Variants in TTC16 observed in about 807,000 individuals in gnomAD.
TTC16 encodes the protein tetratricopeptide repeat domain 16.
Under a neutral mutation model 80.4 loss-of-function variants are expected in TTC16, and 66 were observed. The ratio of observed to expected loss-of-function variants is 0.82; its 90% CI spans 0.67 to 1.01. The LOEUF (loss-of-function observed/expected upper bound fraction) is 1.01. Among genes scored for constraint, TTC16 ranks in the 50% least tolerant of loss-of-function variants. TTC16 has a pLI of 0.00. For synonymous variants in TTC16, 438 were observed against 451.3 expected (o/e 0.97, Z 0.37); for missense variants, 1,070 against 1,103.2 (o/e 0.97, Z 0.43).
At chr9:127,724,026 AGAGCCGGCAGTGG>A in intron 7 of TTC16, 81 bp from the exon 8 acceptor site, 1 of 1,445,418 alleles carries the variant, frequency 6.9e-7, no homozygotes, top group Non-Finnish European at 9.1e-7. Flanking sequence ...CAGGAGGCCC[AGAGCCGGCAGTGG>A]CTTGTCTGGC....
At chr9:127,721,582 C>T (rs1379406730) in intron 6 of TTC16, among the ~76,000 whole-genome samples, 2 of 152,102 alleles carry the variant, frequency 1.3e-5, no homozygotes, top group Non-Finnish European at 2.9e-5. Flanking sequence ...CAGGAGGGAG[C>T]GCCACCACCC....
rs753139053 is a variant in TTC16, at chr9:127,724,210, C to T, written c.963C>T (p.Asp321=). Residue 321 remains aspartate (D), a synonymous_variant, in exon 8 of 14, where the codon GAC becomes GAT. Coordinates refer to ENST00000373289, the MANE Select transcript of TTC16 (RefSeq NM_144965.3). ...VLDMVTEDQE[D]MVRQAQRQLL... Reference sequence around the variant, plus strand: ...ACATGGTGACCGAGGACCAGGAGGACATGGTGCGGCAGGCACAGCGCCAGC... The same window carrying T: ...ACATGGTGACCGAGGACCAGGAGGATATGGTGCGGCAGGCACAGCGCCAGC... 2.5e-6 allele frequency: 4 copies of T among 1,613,296 alleles called. No individual in the cohort carries two copies. The highest frequency in any genetic ancestry group is 3.4e-6 in the Non-Finnish European group (4 of 1,180,024).
At chr9:127,726,175 T>G (rs111239934) in intron 9 of TTC16, 64 bp from the exon 10 acceptor site, 1 of 1,449,828 alleles carries the variant, frequency 6.9e-7, no homozygotes, top group African/African-American at 1.4e-5. Flanking sequence ...TGGGGCCCAG[T>G]AGCCACCATT....
rs117453338 is a variant in TTC16 at position 127,723,676 on chromosome 9, G to A, written c.872+343G>A. Among the ~76,000 whole-genome samples, 434 of 152,302 alleles carry A rather than the reference G, an allele frequency of 2.8e-3. 12 individuals are homozygous for A. The East Asian group carries it at 0.064, about 22-fold the overall frequency. ...CTGCTGCATTTCAGGAGGGAGTGCC[G>A]CTGCCCTGGCAGGAGTGACTCCAGG... On this transcript the variant is annotated intron_variant, in intron 7 of 13. Transcript: ENST00000373289.
At position 127,718,349 on chromosome 9, in the gene TTC16, A is replaced by G. The variant is rs1316692799; in HGVS notation, c.426+577A>G. Among the ~76,000 whole-genome samples, 10 of 152,102 alleles carry G rather than the reference A, an allele frequency of 6.6e-5. No homozygotes were observed. The highest frequency in any genetic ancestry group is 6.5e-4 in the Admixed American group (10 of 15,270). On this transcript the variant is annotated intron_variant, in intron 4 of 13. Coordinates refer to ENST00000373289, the MANE Select transcript of TTC16 (RefSeq NM_144965.3). The surrounding 1 kb of genome is among the most constrained non-coding windows in gnomAD (Gnocchi z 4.6). ...GCAATCCACCCACCTCGGCCTCCCA[A>G]CGTGCTAGGATTACAGATGTGAGCC...
chr9:127,723,274 G>A lies in TTC16; in HGVS notation c.813G>A (p.Leu271=). ...TGCAGGGCAAGCTGCAGCACGCACT[G>A]CAGCGGATCAACCGTGCCATCGAGA... is the stretch of plus-strand genomic sequence containing the variant. ...LAVQGKLQHA[L]QRINRAIENN... is the part of the protein sequence containing the mutation. Residue 271 remains leucine, a synonymous_variant, in exon 7 of 14, where the codon CTG becomes CTA. Coordinates refer to ENST00000373289, the MANE Select transcript of TTC16 (RefSeq NM_144965.3). 4 of 1,612,986 alleles carry A rather than the reference G, an allele frequency of 2.5e-6. No homozygotes were observed. In the South Asian group the frequency reaches 4.4e-5, roughly 18 times the overall value.
chr9:127,731,443 G>C lies in TTC16; in HGVS notation c.*38G>C. On this transcript the variant is annotated 3_prime_UTR_variant, in exon 14 of 14. Transcript: ENST00000373289. ...GACCCTCCCTTCTTGCTGGGGAGGG[G>C]ACGAGTTCTACCCACCTCCCCACAC... 6.3e-7 allele frequency: 1 copy of C among 1,574,806 alleles called. No individual in the cohort carries two copies. Among genetic ancestry groups the C allele is most frequent in the South Asian group, 1.2e-5 (1 of 85,188 alleles).
At chr9:127,729,967 A>C (rs1026916267) in intron 13 of TTC16, 3 of 385,614 alleles carry the variant, frequency 7.8e-6, no homozygotes, top group Non-Finnish European at 4.8e-6. Flanking sequence ...GCCCCAGTAC[A>C]TAGGGCCCTA....
intron 9 of TTC16, 130 bp downstream of exon 9, chr9:127,725,027 T>TC: frequency 8.7e-7 from 1 of 1,153,810 alleles, no homozygotes; most frequent in Non-Finnish European, 1.2e-6. Context: ...ATCCCTGTAA[T>TC]CCCCACGCAG....
rs201450508 is a variant in TTC16, at chr9:127,731,280, G to A, written c.2497G>A (p.Gly833Ser). The A allele has an allele frequency of 7.6e-5, 123 of 1,613,142 alleles. No homozygotes were observed. Among genetic ancestry groups the A allele is most frequent in the Non-Finnish European group, 1.0e-4 (119 of 1,180,038 alleles). Residue 833 changes from glycine to serine, a missense_variant, in exon 14 of 14, where the codon GGT (glycine) becomes AGT (serine). Gly to Ser is a moderately conservative substitution (Grantham distance 56, BLOSUM62 0). Coordinates refer to ENST00000373289, the MANE Select transcript of TTC16 (RefSeq NM_144965.3). The part of the protein sequence containing the change: ...GQGQRSSKAE[G>S]AQGKSQGMSS... Reference sequence around the variant, plus strand: ...GGGCCAGAGGTCCAGCAAGGCTGAGGGTGCCCAGGGCAAGAGCCAGGGCAT... The same window carrying A: ...GGGCCAGAGGTCCAGCAAGGCTGAGAGTGCCCAGGGCAAGAGCCAGGGCAT...
rs1476419904 is a variant in TTC16 at position 127,722,965 on chromosome 9, C to T, written c.658-154C>T. 6.9e-6 allele frequency among the ~76,000 whole-genome samples: 1 copy of T among 145,630 alleles called. No individual in the cohort carries two copies. The highest frequency in any genetic ancestry group is 6.8e-5 in the Admixed American group (1 of 14,734). ...CCTGGGTGACAGAGTGAGAATCCATCTCAAAAAAAAAAAAAAAGCAGAAAG... is the reference window on the plus strand; with the variant it reads ...CCTGGGTGACAGAGTGAGAATCCATTTCAAAAAAAAAAAAAAAGCAGAAAG... On this transcript the variant is annotated intron_variant, in intron 6 of 13. Transcript: ENST00000373289. This position sits in a 1 kb window ranked among gnomAD's most constrained non-coding sequence, Gnocchi z 4.2.
chr9:127,726,787 CAAAAAAAAAAAAAAAAAAAAAA>C (rs55676226), intron 10 of TTC16, among the ~76,000 whole-genome samples, 161 bp from the exon 11 acceptor site: 2 of 127,738 alleles, frequency 1.6e-5, no homozygotes, highest in African/African-American at 5.2e-5. Flanking sequence ...GACTCTGTCT[CAAAAAAAAAAAAAAAAAAAAAA>C]AAAAAAAAAA....
intron 13 of TTC16, chr9:127,729,908 T>C (rs1162192750): frequency 1.9e-6 from 1 of 519,930 alleles, no homozygotes; most frequent in Non-Finnish European, 3.5e-6. Context: ...CTCCTAGCCC[T>C]GTCCCTGAAA....
intron 4 of TTC16, among the ~76,000 whole-genome samples, chr9:127,719,366 T>C (rs930110042): frequency 4.6e-5 from 7 of 152,196 alleles, no homozygotes; most frequent in Non-Finnish European, 1.0e-4. Flanking sequence ...CCTTTATCCA[T>C]AAGAGAAGCA....
In TTC16 at chr9:127,725,503, G is replaced by A. The variant is rs559194401; in HGVS notation, c.1259+606G>A. The stretch of plus-strand genomic sequence containing the variant: ...GGCGTGAACCCGGGAGGTGGAGCTT[G>A]CAGTGAGCCGAGATCAAGCCACTGC... On this transcript the variant is annotated intron_variant, in intron 9 of 13. Transcript: ENST00000373289. Among the ~76,000 whole-genome samples the A allele has an allele frequency of 3.8e-5, 5 of 130,892 alleles. No individual in the cohort carries two copies. In the East Asian group the frequency reaches 1.2e-3, roughly 33 times the overall value. 85.9% of individuals were successfully genotyped at this position (130,892 alleles called of 152,430 possible). A position where few individuals can be genotyped will look rare whatever the true frequency, so the allele number is the denominator to read the frequency against.
chr9:127,727,066 A>C lies in TTC16; in HGVS notation c.1522A>C (p.Met508Leu), dbSNP rs1844039347. 2.5e-6 allele frequency: 4 copies of C among 1,611,726 alleles called. No individual in the cohort carries two copies. Among genetic ancestry groups the C allele is most frequent in the Non-Finnish European group, 3.4e-6 (4 of 1,179,626 alleles). ...AHLARLQLEQ[M>L]VEGSLQAGSP... is the part of the protein sequence containing the mutation. ...CCTGGCCAGGCTGCAGCTGGAGCAG[A>C]TGGTGGAGGGCAGCCTGCAGGCCGG... The change falls in exon 11 of 14, where the codon ATG (methionine) becomes CTG (leucine). Residue 508 changes from methionine (M) to leucine (L), a missense_variant. By Grantham distance (15) the Met-to-Leu change is conservative. Transcript: ENST00000373289.
chr9:127,716,495 C>T, intron 1 of TTC16: 1 of 536,770 alleles, frequency 1.9e-6, no homozygotes. Flanking sequence ...ACCCCCAAGG[C>T]CTGAGACTTG....
chr9:127,719,044 C>T (rs888721004), intron 4 of TTC16, among the ~76,000 whole-genome samples: 23 of 151,818 alleles, frequency 1.5e-4, no homozygotes, highest in Non-Finnish European at 2.8e-4. Flanking sequence ...AACCTCATCT[C>T]TACTAAAAAT....
rs1268701649 is a variant in TTC16 at position 127,718,599 on chromosome 9, T to C, written c.426+827T>C. On this transcript the variant is annotated intron_variant, in intron 4 of 13. Coordinates refer to ENST00000373289, the MANE Select transcript of TTC16 (RefSeq NM_144965.3). This position sits in a 1 kb window ranked among gnomAD's most constrained non-coding sequence, Gnocchi z 4.6. ...TTTCCATTTTGATAACCTTGATGTCTTTTTTTTTTTTCTGAGATGGAGTCT... is the reference window on the plus strand; with the variant it reads ...TTTCCATTTTGATAACCTTGATGTCCTTTTTTTTTTTCTGAGATGGAGTCT... Among the ~76,000 whole-genome samples, 1 of 145,738 alleles carries C rather than the reference T, an allele frequency of 6.9e-6. No individual in the cohort carries two copies. The highest frequency in any genetic ancestry group is 1.5e-5 in the Non-Finnish European group (1 of 65,792).
Sources: allele counts gnomAD v4.1 joint callset (sites outside exome capture counted in the v4.1 genomes callset), GRCh38; gene constraint gnomAD v4.1.1; non-coding constraint Gnocchi (gnomAD v3.1); transcripts MANE v1.5; gene names NCBI Gene and HGNC (gene_info 2026-07-23, HGNC 2026-07-21).